ETV5: variants seen among roughly 807,000 people sequenced by gnomAD.
ETV5 encodes the protein ETS translocation variant 5.
A neutral mutation model predicts 70.0 loss-of-function variants in ETV5; 10 were observed. That is an observed-to-expected ratio of 0.14 (90% CI 0.09 to 0.24). The LOEUF is 0.24. Ranked by LOEUF, ETV5 falls within the 10% of genes least tolerant of loss-of-function variation. The pLI is 1.00. For synonymous variants in ETV5, 216 were observed against 242.2 expected (o/e 0.89, Z 1.01); for missense variants, 453 against 651.2 (o/e 0.70, Z 3.31).
rs143768588 is a variant in ETV5, at chr3:186,080,755, A to G, written c.362+291T>C. The G allele has an allele frequency of 1.7e-3, 427 of 254,034 alleles. 2 individuals carry two copies. The highest frequency in any genetic ancestry group is 8.2e-3 in the African/African-American group (378 of 45,904). The allele number at this position is 254,034 out of a possible 1,614,324, so 15.7% of individuals were successfully genotyped here. On this transcript the variant is annotated intron_variant, in intron 6 of 12. Coordinates refer to ENST00000306376, the MANE Select transcript of ETV5 (RefSeq NM_004454.3). The stretch of plus-strand genomic sequence containing the variant: ...GAAGAAGTATATATTACCTGCCTCA[A>G]AGCCACAGATCAAGTATCCCAGGAT...
chr3:186,055,807 G>A (rs963027886), intron 11 of ETV5, among the ~76,000 whole-genome samples: 2 of 152,240 alleles, frequency 1.3e-5, no homozygotes, highest in East Asian at 1.9e-4. Flanking sequence ...GTGCTAAAGC[G>A]AGCCCTAGAG....
chr3:186,087,560 GA>G (rs1294654204), intron 5 of ETV5, among the ~76,000 whole-genome samples: 1 of 152,188 alleles, frequency 6.6e-6, no homozygotes, highest in Admixed American at 6.5e-5. Context: ...TCAAATTTTA[GA>G]AAATCTTTCT....
intron 7 of ETV5, among the ~76,000 whole-genome samples, chr3:186,074,846 TAG>T (rs2150147536): frequency 1.6e-5 from 2 of 128,580 alleles, no homozygotes; most frequent in Admixed American, 1.9e-4. Flanking sequence ...GGGCGACAGT[TAG>T]ACTCTGTCTC....
intron 1 of ETV5, among the ~76,000 whole-genome samples, chr3:186,107,207 A>T (rs1208060674): frequency 4.6e-5 from 7 of 152,234 alleles, no homozygotes; most frequent in Non-Finnish European, 8.8e-5. Flanking sequence ...CACACAGTTC[A>T]TAACTTCCTA....
chr3:186,060,314 C>A (rs573315559), intron 9 of ETV5, among the ~76,000 whole-genome samples: 2 of 152,178 alleles, frequency 1.3e-5, no homozygotes, highest in African/African-American at 4.8e-5. Context: ...AGTATCACTG[C>A]GGTGTATCTT....
At chr3:186,068,304 G>C (rs1713502080) in intron 7 of ETV5, among the ~76,000 whole-genome samples, 1 of 152,208 alleles carries the variant, frequency 6.6e-6, no homozygotes, top group Non-Finnish European at 1.5e-5. Context: ...AAGGAAGGTT[G>C]CTAAACAGTA....
intron 5 of ETV5, among the ~76,000 whole-genome samples, chr3:186,094,128 G>A (rs758328152): frequency 6.6e-6 from 1 of 152,216 alleles, no homozygotes; most frequent in Non-Finnish European, 1.5e-5. Context: ...TGGGTGATTT[G>A]TAAAGATTTC....
intron 6 of ETV5, 45 bp downstream of exon 6, chr3:186,081,001 G>T: frequency 6.4e-7 from 1 of 1,569,740 alleles, no homozygotes; most frequent in Non-Finnish European, 8.7e-7. Context: ...GCTACTTCCA[G>T]AGCCTTTCTG....
chr3:186,055,772 C>T (rs1713144904), intron 11 of ETV5, among the ~76,000 whole-genome samples: 1 of 152,184 alleles, frequency 6.6e-6, no homozygotes, highest in Non-Finnish European at 1.5e-5. Flanking sequence ...CTCCTGTTAA[C>T]CCCATGCCAG....
In ETV5 at chr3:186,057,374, A is replaced by C; in HGVS notation, c.1039+49T>G. 1 of 1,608,240 alleles carries C rather than the reference A, an allele frequency of 6.2e-7. No homozygotes were observed. Among genetic ancestry groups the C allele is most frequent in the Non-Finnish European group, 8.5e-7 (1 of 1,174,762 alleles). On this transcript the variant is annotated intron_variant, in intron 10 of 12. Transcript: ENST00000306376. This position sits in a 1 kb window ranked among gnomAD's most constrained non-coding sequence, Gnocchi z 4.9. ...AGAGAGTCATGGCTGAGGTGTTCTG[A>C]CACCTCCAAACCTCTACCTGGCAAC...
At chr3:186,063,411 T>A (rs1713357912) in intron 9 of ETV5, among the ~76,000 whole-genome samples, 1 of 152,236 alleles carries the variant, frequency 6.6e-6, no homozygotes, top group African/African-American at 2.4e-5. Context: ...ACTTTCACCC[T>A]AATTAGTAGG....
At chr3:186,075,815 G>C (rs1390053415) in intron 7 of ETV5, among the ~76,000 whole-genome samples, 4 of 152,176 alleles carry the variant, frequency 2.6e-5, no homozygotes, top group Admixed American at 6.5e-5. Context: ...GCTGCTTCTT[G>C]GGTTTTAACC....
chr3:186,108,269 C>T (rs1714644469), intron 1 of ETV5, among the ~76,000 whole-genome samples: 1 of 151,998 alleles, frequency 6.6e-6, no homozygotes, highest in African/African-American at 2.4e-5. Flanking sequence ...CCTCCACACC[C>T]GTGTTATCCC....
chr3:186,093,904 C>T (rs998764506), intron 5 of ETV5, among the ~76,000 whole-genome samples: 2 of 152,212 alleles, frequency 1.3e-5, no homozygotes, highest in African/African-American at 4.8e-5. Context: ...GCTGCTCCCA[C>T]TCTCCAAAGG....
chr3:186,047,324 G>T lies in ETV5; in HGVS notation c.*1315C>A. 4.3e-6 allele frequency: 1 copy of T among 230,842 alleles called. No homozygotes were observed. The highest frequency in any genetic ancestry group is 8.6e-6 in the Non-Finnish European group (1 of 116,384). 14.3% of individuals were successfully genotyped at this position (230,842 alleles called of 1,614,324 possible). ...TGCTAGCACTGTTGCTTACCTGTCA[G>T]TATCACACGTAAGTCTCAAACCCTA... On this transcript the variant is annotated 3_prime_UTR_variant, in exon 13 of 13. Transcript: ENST00000306376.
chr3:186,105,738 G>A lies in ETV5; in HGVS notation c.46-26C>T. The A allele has an allele frequency of 2.5e-6, 4 of 1,613,860 alleles. No homozygotes were observed. The highest frequency in any genetic ancestry group is 3.4e-6 in the Non-Finnish European group (4 of 1,179,740). ...CTGAAAGAGGCCAACAGAAAGTGAA[G>A]GCTCAAGTGTAGTAAAGAGGTCCAC... On this transcript the variant is annotated intron_variant, in intron 2 of 12. Transcript: ENST00000306376. The surrounding 1 kb of genome is among the most constrained non-coding windows in gnomAD (Gnocchi z 4.5).
chr3:186,064,122 A>G (rs929039883), intron 9 of ETV5: 11 of 414,306 alleles, frequency 2.7e-5, no homozygotes, highest in African/African-American at 2.2e-4. Context: ...ACTGTTAAAA[A>G]GTTGGGGTCA....
intron 5 of ETV5, among the ~76,000 whole-genome samples, chr3:186,084,461 CTTCATTCATTCA>C (rs67764705): frequency 9.3e-4 from 140 of 150,974 alleles, no homozygotes; most frequent in Non-Finnish European, 1.3e-3. Flanking sequence ...TTCTTTCTGT[CTTCATTCATTCA>C]TTCATTCATT....
Position 186,105,196 on chromosome 3 carries a change from A to T in ETV5, c.232+109T>A. On this transcript the variant is annotated intron_variant, in intron 5 of 12. Coordinates refer to ENST00000306376, the MANE Select transcript of ETV5 (RefSeq NM_004454.3). This position sits in a 1 kb window ranked among gnomAD's most constrained non-coding sequence, Gnocchi z 4.5. ...TGAATTATTAGAAGAAACTAAATGC[A>T]TACTACTGTCTAAATCTGGCCATAG... 1 of 827,990 alleles carries T rather than the reference A, an allele frequency of 1.2e-6. No homozygotes were observed. 51.3% of individuals were successfully genotyped at this position (827,990 alleles called of 1,614,324 possible). A position where few individuals can be genotyped will look rare whatever the true frequency, so the allele number is the denominator to read the frequency against.
Sources: gnomAD v4.1 joint callset for allele counts (sites outside exome capture counted in the v4.1 genomes callset) on GRCh38, gnomAD v4.1.1 for gene constraint, Gnocchi (gnomAD v3.1) non-coding constraint, MANE v1.5 for transcripts, NCBI Gene and HGNC (gene_info 2026-07-23, HGNC 2026-07-21) for gene names.